The following ROBO2 variants were observed in gnomAD, a reference collection of about 807,000 sequenced individuals.
The protein encoded by ROBO2 is roundabout guidance receptor 2, also known as roundabout homolog 2.
In ROBO2, 53 loss-of-function variants were observed where a neutral mutation model predicts 160.8. That is an observed-to-expected ratio of 0.33 (90% CI 0.26 to 0.41). ROBO2 has a LOEUF of 0.41. Among genes scored for constraint, ROBO2 ranks in the 10% least tolerant of loss-of-function variants. ROBO2 has a pLI of 1.00. For missense variants in ROBO2, 1,577 were observed against 1,722.4 expected (o/e 0.92, Z 1.49); for synonymous variants, 664 against 611.7 (o/e 1.09, Z -1.26).
chr3:76,882,196 G>A (rs1048963976), intron 2 of ROBO2, among the ~76,000 whole-genome samples: 3 of 151,776 alleles, frequency 2.0e-5, no homozygotes, highest in African/African-American at 7.3e-5. Flanking sequence ...GTTTTGATTT[G>A]GTGGTTGTAG....
At chr3:76,991,120 T>C (rs941307395) in intron 2 of ROBO2, among the ~76,000 whole-genome samples, 23 of 152,158 alleles carry the variant, frequency 1.5e-4, no homozygotes, top group African/African-American at 5.3e-4. Flanking sequence ...TAGTAAACTT[T>C]CACGACGGCT....
At chr3:77,410,570 C>T (rs2076649317) in intron 2 of ROBO2, among the ~76,000 whole-genome samples, 2 of 144,472 alleles carry the variant, frequency 1.4e-5, no homozygotes, top group African/African-American at 5.3e-5. Context: ...CCTCTTCTTC[C>T]TCCTCCTCTT....
At chr3:76,923,233 G>A (rs544599376) in intron 2 of ROBO2, among the ~76,000 whole-genome samples, 49 of 152,290 alleles carry the variant, frequency 3.2e-4, no homozygotes, top group Middle Eastern at 6.8e-3. Context: ...GGAGGCTCAG[G>A]AAGAACGGCT....
chr3:77,525,747 A>T (rs1480516671), intron 6 of ROBO2, among the ~76,000 whole-genome samples: 1 of 149,854 alleles, frequency 6.7e-6, no homozygotes, highest in Non-Finnish European at 1.5e-5. Context: ...ATAGAAATAC[A>T]TTTTATTTGT....
Position 75,914,056 on chromosome 3 carries a change from C to T in ROBO2, c.-14+7096C>T, listed in dbSNP as rs531735481. Among the ~76,000 whole-genome samples, 105 of 152,208 alleles carry T rather than the reference C, an allele frequency of 6.9e-4. 1 individual carries two copies. Among genetic ancestry groups the T allele is most frequent in the African/African-American group, 2.3e-3 (94 of 41,546 alleles). ...GTTGCCAGAGAGAACTTGAAATGCC[C>T]TGTTCAAATTAATTTAATGCAAATG... is the stretch of plus-strand genomic sequence containing the variant. On this transcript the variant is annotated intron_variant, in intron 1 of 26. Transcript: ENST00000487694.
intron 1 of ROBO2, among the ~76,000 whole-genome samples, chr3:75,936,708 T>C (rs1947795320): frequency 6.6e-6 from 1 of 152,132 alleles, no homozygotes; most frequent in African/African-American, 2.4e-5. Flanking sequence ...GTTTATTCTT[T>C]AGAGCTACTG....
chr3:77,406,858 G>A (rs1204130966), intron 2 of ROBO2, among the ~76,000 whole-genome samples: 1 of 152,114 alleles, frequency 6.6e-6, no homozygotes, highest in East Asian at 1.9e-4. Flanking sequence ...GGAAGAAAAT[G>A]TACAGTACAT....
intron 4 of ROBO2, among the ~76,000 whole-genome samples, chr3:77,491,627 T>C (rs1017215792): frequency 2.4e-4 from 36 of 152,190 alleles, no homozygotes; most frequent in African/African-American, 8.2e-4. Flanking sequence ...ATCCGACATG[T>C]TGTCTACAGG....
At chr3:77,567,828 A>G in intron 12 of ROBO2, among the ~76,000 whole-genome samples, 1 of 152,080 alleles carries the variant, frequency 6.6e-6, no homozygotes, top group East Asian at 1.9e-4. Flanking sequence ...AGACTGAAGT[A>G]GGTCAAGAAG....
chr3:77,360,734 C>T (rs755082291), intron 2 of ROBO2, among the ~76,000 whole-genome samples: 1 of 151,598 alleles, frequency 6.6e-6, no homozygotes, highest in Non-Finnish European at 1.5e-5. Context: ...TTTCAGGATT[C>T]CTCTCCTCTC....
chr3:77,164,658 A>T (rs1579541014), intron 2 of ROBO2, among the ~76,000 whole-genome samples: 2 of 95,538 alleles, frequency 2.1e-5, no homozygotes, highest in Admixed American at 1.1e-4. Flanking sequence ...TCCGGGAGGG[A>T]GGTGGGGGGG....
At chr3:76,937,167 T>C (rs576321047) in intron 2 of ROBO2, among the ~76,000 whole-genome samples, 1 of 152,310 alleles carries the variant, frequency 6.6e-6, no homozygotes, top group Non-Finnish European at 1.5e-5. Flanking sequence ...GAAGTAAAAC[T>C]TAGTGGCATC....
chr3:77,002,483 C>T (rs1479974811), intron 2 of ROBO2, among the ~76,000 whole-genome samples: 1 of 151,752 alleles, frequency 6.6e-6, no homozygotes, highest in Non-Finnish European at 1.5e-5. Flanking sequence ...AAAATTAATA[C>T]TTTAGTAAAG....
chr3:77,565,968 G>A (rs547575849), intron 12 of ROBO2, among the ~76,000 whole-genome samples: 9 of 151,962 alleles, frequency 5.9e-5, no homozygotes, highest in South Asian at 2.1e-4. Context: ...AAATAGAAAC[G>A]GTAATTTTAT....
chr3:76,316,331 G>A (rs1318022643), intron 2 of ROBO2, among the ~76,000 whole-genome samples: 1 of 152,094 alleles, frequency 6.6e-6, no homozygotes, highest in Non-Finnish European at 1.5e-5. Context: ...CCTCCCCCAA[G>A]GAATGCAATT....
In ROBO2 at chr3:75,982,216, G is replaced by C. The variant is rs368570051; in HGVS notation, c.109+44614G>C. The stretch of plus-strand genomic sequence containing the variant: ...TTCCACATCTTAGCTATTGTAAACA[G>C]TGCTGCGATAAACAAAGGAGTGCAG... On this transcript the variant is annotated intron_variant, in intron 2 of 26. Coordinates refer to the ROBO2 transcript ENST00000487694. Among the ~76,000 whole-genome samples, 82 of 151,546 alleles carry C rather than the reference G, an allele frequency of 5.4e-4. 1 individual carries two copies. The East Asian group carries it at 0.013, about 24-fold the overall frequency.
chr3:77,223,675 C>T (rs1171309337), intron 2 of ROBO2, among the ~76,000 whole-genome samples: 5 of 151,884 alleles, frequency 3.3e-5, no homozygotes. Context: ...CCCAATTTGC[C>T]TAAGTATATT....
At chr3:76,702,402 T>C (rs920607402) in intron 2 of ROBO2, among the ~76,000 whole-genome samples, 11 of 151,940 alleles carry the variant, frequency 7.2e-5, no homozygotes, top group Non-Finnish European at 1.3e-4. Context: ...ATAATTCCAG[T>C]GCTGTGAAAA....
intron 2 of ROBO2, among the ~76,000 whole-genome samples, chr3:76,027,810 ATTTG>A (rs1397718943): frequency 6.6e-6 from 1 of 151,938 alleles, no homozygotes; most frequent in Non-Finnish European, 1.5e-5. Context: ...CTAAAAAGTT[ATTTG>A]TTTTTTACAT....
Sources: gnomAD v4.1 joint callset for allele counts (sites outside exome capture counted in the v4.1 genomes callset) on GRCh38, gnomAD v4.1.1 for gene constraint, MANE v1.5 for transcripts, NCBI Gene and HGNC (gene_info 2026-07-23, HGNC 2026-07-21) for gene names.